Variants in CMAS observed in about 807,000 individuals in gnomAD.
CMAS encodes the protein N-acylneuraminate cytidylyltransferase.
CMAS carries 21 observed loss-of-function variants against 53.4 expected under a neutral mutation model. The ratio of observed to expected loss-of-function variants is 0.39; its 90% confidence interval spans 0.28 to 0.57. The LOEUF (loss-of-function observed/expected upper bound fraction) is 0.57, where lower values mean the gene tolerates loss of function less well. CMAS is among the 20% of genes least tolerant of loss of function. The pLI, the probability that CMAS is intolerant of heterozygous loss-of-function variation, is 0.56. For synonymous variants in CMAS, 189 were observed against 195.2 expected (o/e 0.97, Z 0.27); for missense variants, 384 against 534.9 (o/e 0.72, Z 2.78).
intron 5 of CMAS, 40 bp downstream of exon 5, chr12:22,060,966 T>TTAA (rs1189877664): frequency 3.4e-6 from 4 of 1,161,290 alleles, no homozygotes; most frequent in Middle Eastern, 2.0e-4. Context: ...GTACTAAATC[T>TTAA]TAATAATTAT....
Position 22,060,780 on chromosome 12 carries a change from A to G in CMAS, c.694-52A>G, listed in dbSNP as rs1023166050. 7.1e-6 allele frequency: 7 copies of G among 988,606 alleles called. No homozygotes were observed. In the African/African-American group the frequency reaches 9.6e-5, roughly 14 times the overall value. 61.2% of individuals were successfully genotyped at this position (988,606 alleles called of 1,614,324 possible). On this transcript the variant is annotated intron_variant, in intron 4 of 7. Coordinates refer to ENST00000229329, the MANE Select transcript of CMAS (RefSeq NM_018686.6). ...TTCTGTATTATAATAAAGTTTTGATATATGTGAATGAATATTAAAAACAGT... is the reference window on the plus strand; with the variant it reads ...TTCTGTATTATAATAAAGTTTTGATGTATGTGAATGAATATTAAAAACAGT...
At chr12:22,056,234 T>C (rs78299998) in intron 3 of CMAS, among the ~76,000 whole-genome samples, 1 of 152,226 alleles carries the variant, frequency 6.6e-6, no homozygotes, top group Non-Finnish European at 1.5e-5. Context: ...TAATTTAACA[T>C]ATTTTTGATA....
chr12:22,055,293 T>G lies in CMAS; in HGVS notation c.403+2T>G. 6.3e-7 allele frequency: 1 copy of G among 1,591,648 alleles called. No homozygotes were observed. Among genetic ancestry groups the G allele is most frequent in the Non-Finnish European group, 8.6e-7 (1 of 1,163,846 alleles). On this transcript the variant is annotated splice_donor_variant, in intron 2 of 7. Coordinates refer to ENST00000229329, the MANE Select transcript of CMAS (RefSeq NM_018686.6). LOFTEE classifies it high-confidence loss of function. ...TAGAATTTCTTAATTATCATAATGG[T>G]ATGAATTTGATTAATAGTTTATTCA...
rs377314037 is a variant in CMAS at position 22,056,227 on chromosome 12, T to C, written c.559+617T>C. The stretch of plus-strand genomic sequence containing the variant: ...TTTAAAAAAAGGTCATTTCCTCTAA[T>C]TTAACATATTTTTGATAGCTATTTG... On this transcript the variant is annotated intron_variant, in intron 3 of 7. Transcript: ENST00000229329. 2.7e-4 allele frequency among the ~76,000 whole-genome samples: 41 copies of C among 152,350 alleles called. 1 individual carries two copies. The highest frequency in any genetic ancestry group is 9.9e-4 in the African/African-American group (41 of 41,582).
intron 3 of CMAS, 99 bp from the exon 4 acceptor site, chr12:22,058,467 CT>C: frequency 1.0e-6 from 1 of 996,180 alleles, no homozygotes; most frequent in Non-Finnish European, 1.5e-6. Flanking sequence ...TAAAGAAATG[CT>C]CTGCATTCTG....
At chr12:22,050,814 C>A (rs1565529050) in intron 1 of CMAS, among the ~76,000 whole-genome samples, 2 of 151,962 alleles carry the variant, frequency 1.3e-5, no homozygotes, top group Non-Finnish European at 2.9e-5. Flanking sequence ...AGACTCCTGC[C>A]ATACTAGGTG....
At position 22,046,488 on chromosome 12, in the gene CMAS, A is replaced by G. The variant is rs1950206449; in HGVS notation, c.185A>G (p.Asn62Ser). 1.2e-6 allele frequency: 2 copies of G among 1,609,324 alleles called. No homozygotes were observed. Among genetic ancestry groups the G allele is most frequent in the African/African-American group, 1.3e-5 (1 of 74,600 alleles). Reference sequence around the variant, plus strand: ...GGCAGCAAAGGCATCCCCCTGAAGAACATTAAGCACCTGGCGGGGGTCCCG... The same window carrying G: ...GGCAGCAAAGGCATCCCCCTGAAGAGCATTAAGCACCTGGCGGGGGTCCCG... ...RGGSKGIPLKNIKHLAGVPLI... is the reference protein window; with the variant it reads ...RGGSKGIPLKSIKHLAGVPLI... The change falls in exon 1 of 8, where the codon AAC becomes AGC. Residue 62 changes from asparagine (N) to serine (S), a missense_variant. This residue lies in a region of CMAS where 111 missense variants were observed against 132.2 expected (regional missense o/e 0.84). Transcript: ENST00000229329.
chr12:22,065,381 G>C lies in CMAS; in HGVS notation c.*70G>C. 8.3e-7 allele frequency: 1 copy of C among 1,210,190 alleles called. No homozygotes were observed. The highest frequency in any genetic ancestry group is 1.2e-6 in the Non-Finnish European group (1 of 840,908). The allele number at this position is 1,210,190 out of a possible 1,614,324, so 75.0% of individuals were successfully genotyped here. On this transcript the variant is annotated 3_prime_UTR_variant, in exon 8 of 8. Coordinates refer to ENST00000229329, the MANE Select transcript of CMAS (RefSeq NM_018686.6). The stretch of plus-strand genomic sequence containing the variant: ...CCAGTTTGCTTTTATTTTTGATTAA[G>C]TAAATTCCATGTTGTAATGTTACAG...
rs947943748 is a variant in CMAS at position 22,065,490 on chromosome 12, GTCTT to G, written c.*183_*186del. The G allele has an allele frequency of 2.2e-5, 12 of 542,864 alleles. No individual in the cohort carries two copies. Among genetic ancestry groups the G allele is most frequent in the African/African-American group, 1.7e-4 (9 of 53,084 alleles). 33.6% of individuals were successfully genotyped at this position (542,864 alleles called of 1,614,324 possible). A position where few individuals can be genotyped will look rare whatever the true frequency, so the allele number is the denominator to read the frequency against. Reference sequence around the variant, plus strand: ...GATAATTATTTAGAGACTGATTACAGTCTTTCTCAGATTTTTAGTAAATGCAAGT... The same window carrying G: ...GATAATTATTTAGAGACTGATTACAGTCTCAGATTTTTAGTAAATGCAAGT... On this transcript the variant is annotated 3_prime_UTR_variant, in exon 8 of 8. Coordinates refer to ENST00000229329, the MANE Select transcript of CMAS (RefSeq NM_018686.6).
At chr12:22,047,604 A>T (rs1456738565) in intron 1 of CMAS, among the ~76,000 whole-genome samples, 1 of 152,180 alleles carries the variant, frequency 6.6e-6, no homozygotes, top group Non-Finnish European at 1.5e-5. Context: ...TAATGTTTCA[A>T]CCCAAAAGAA....
At chr12:22,063,259 C>T (rs906619540) in intron 7 of CMAS, among the ~76,000 whole-genome samples, 2 of 152,140 alleles carry the variant, frequency 1.3e-5, no homozygotes, top group Non-Finnish European at 2.9e-5. Flanking sequence ...ATAAGAAGCA[C>T]AGGAAAAACT....
Position 22,055,142 on chromosome 12 carries a change from T to C in CMAS, c.261-7T>C. 1.9e-6 allele frequency: 3 copies of C among 1,587,290 alleles called. No individual in the cohort carries two copies. Among genetic ancestry groups the C allele is most frequent in the Non-Finnish European group, 2.6e-6 (3 of 1,170,562 alleles). On this transcript the variant is annotated splice_region_variant and splice_polypyrimidine_tract_variant and intron_variant, in intron 1 of 7. Transcript: ENST00000229329. ...TTGGCTGTTAATTTCTTTTGATATC[T>C]GAACAGTGTATGGGTTTCGACAGAC...
At chr12:22,057,922 G>A (rs904283361) in intron 3 of CMAS, among the ~76,000 whole-genome samples, 1 of 151,284 alleles carries the variant, frequency 6.6e-6, no homozygotes, top group Non-Finnish European at 1.5e-5. Context: ...CCCCCCCCCG[G>A]GTTCAAGCGA....
chr12:22,047,608 A>C (rs1412761156), intron 1 of CMAS, among the ~76,000 whole-genome samples: 2 of 152,202 alleles, frequency 1.3e-5, no homozygotes, highest in Admixed American at 6.5e-5. Flanking sequence ...GTTTCAACCC[A>C]AAAGAAGTCC....
At chr12:22,056,811 C>G (rs1950271242) in intron 3 of CMAS, among the ~76,000 whole-genome samples, 1 of 152,170 alleles carries the variant, frequency 6.6e-6, no homozygotes, top group Non-Finnish European at 1.5e-5. Flanking sequence ...AGCAGAGTCC[C>G]TCTGATTATG....
chr12:22,046,659 T>C, intron 1 of CMAS, 96 bp downstream of exon 1: 1 of 1,320,040 alleles, frequency 7.6e-7, no homozygotes, highest in South Asian at 1.6e-5. Context: ...GCCACCGCTC[T>C]TGGAAGGGGG....
At chr12:22,061,987 T>TATC (rs1016163012) in intron 6 of CMAS, among the ~76,000 whole-genome samples, 19 of 152,312 alleles carry the variant, frequency 1.2e-4, no homozygotes, top group African/African-American at 4.6e-4. Flanking sequence ...CTTAGAGTAG[T>TATC]ATCAGACAAT....
At chr12:22,047,030 G>T (rs943817504) in intron 1 of CMAS, among the ~76,000 whole-genome samples, 1 of 152,148 alleles carries the variant, frequency 6.6e-6, no homozygotes, top group South Asian at 2.1e-4. Flanking sequence ...GGAGTTGAGT[G>T]TCGGGGTGTC....
chr12:22,059,544 A>G (rs1283476470), intron 4 of CMAS, among the ~76,000 whole-genome samples: 1 of 152,184 alleles, frequency 6.6e-6, no homozygotes, highest in Non-Finnish European at 1.5e-5. Flanking sequence ...ATGTTACTCA[A>G]GAAATAGCGG....
Sources: gnomAD v4.1 joint callset for allele counts (sites outside exome capture counted in the v4.1 genomes callset) on GRCh38, gnomAD v4.1.1 for gene constraint, gnomAD v4.1.1 regional missense constraint, MANE v1.5 for transcripts, NCBI Gene and HGNC (gene_info 2026-07-23, HGNC 2026-07-21) for gene names.